RBFOX1: variants seen among roughly 807,000 people sequenced by gnomAD.
RBFOX1 encodes RNA binding fox-1 homolog 1.
Under a neutral mutation model 57.7 loss-of-function variants are expected in RBFOX1, and 8 were observed. The ratio of observed to expected loss-of-function variants is 0.14; its 90% CI spans 0.08 to 0.25. RBFOX1 has a LOEUF of 0.25. Ranked by LOEUF, RBFOX1 falls within the 10% of genes least tolerant of loss-of-function variation. The pLI is 1.00. For synonymous variants in RBFOX1, 326 were observed against 222.4 expected (o/e 1.47, Z -4.15); for missense variants, 611 against 548.5 (o/e 1.11, Z -1.14).
chr16:7,262,126 CTT>C (rs1463487583), intron 4 of RBFOX1, among the ~76,000 whole-genome samples: 3 of 150,076 alleles, frequency 2.0e-5, no homozygotes, highest in Non-Finnish European at 4.4e-5. Context: ...CACAGAGAAA[CTT>C]TGTAGTAAGT....
intron 1 of RBFOX1, among the ~76,000 whole-genome samples, chr16:6,223,939 C>G (rs1477568527): frequency 6.6e-6 from 1 of 152,166 alleles, no homozygotes; most frequent in Non-Finnish European, 1.5e-5. Flanking sequence ...GTTTTCCCAG[C>G]ACTGTTTATT....
At chr16:7,299,102 A>G (rs187632596) in intron 4 of RBFOX1, among the ~76,000 whole-genome samples, 1,550 of 152,354 alleles carry the variant, frequency 0.01, 11 homozygotes, top group Non-Finnish European at 0.016. Flanking sequence ...AGATTTTGAT[A>G]GTGAGCACCA....
At chr16:5,327,560 C>G (rs1364533422) in intron 1 of RBFOX1, among the ~76,000 whole-genome samples, 1 of 152,150 alleles carries the variant, frequency 6.6e-6, no homozygotes, top group Admixed American at 6.5e-5. Flanking sequence ...AATTTTAGCC[C>G]TCAGAGAGAA....
chr16:5,343,515 G>T (rs146907469), intron 1 of RBFOX1, among the ~76,000 whole-genome samples: 2 of 151,612 alleles, frequency 1.3e-5, no homozygotes, highest in African/African-American at 4.8e-5. Flanking sequence ...TAGAGAGGGG[G>T]TTTCACCGTG....
intron 1 of RBFOX1, among the ~76,000 whole-genome samples, chr16:5,391,695 T>C (rs1359806675): frequency 2.0e-5 from 3 of 152,116 alleles, no homozygotes; most frequent in Non-Finnish European, 2.9e-5. Flanking sequence ...ACAGGTAGTG[T>C]CTTCCCTGTG....
rs564596282 is a variant in RBFOX1 at position 5,705,544 on chromosome 16, A to G, written c.318+106583A>G. On this transcript the variant is annotated intron_variant, in intron 3 of 19. Coordinates refer to the RBFOX1 transcript ENST00000641259. ...AAACACCTCTGTAATCACGAGCGAA[A>G]CATTGACATTAGTACACACAATTTG... 2.3e-4 allele frequency among the ~76,000 whole-genome samples: 35 copies of G among 152,350 alleles called. No individual in the cohort carries two copies. In the East Asian group the frequency reaches 6.6e-3, roughly 29 times the overall value.
rs146952835 is a variant in RBFOX1 at position 5,479,617 on chromosome 16, C to T, written c.258+12363C>T. ...CTTCTAAAAATACAAAAATTAGCTGCGTGTGGTGGTGCACGCCTGTCATCG... is the reference window on the plus strand; with the variant it reads ...CTTCTAAAAATACAAAAATTAGCTGTGTGTGGTGGTGCACGCCTGTCATCG... On this transcript the variant is annotated intron_variant, in intron 2 of 2. Transcript: ENST00000585867. Among the ~76,000 whole-genome samples the T allele has an allele frequency of 6.6e-3, 957 of 143,982 alleles. 5 individuals are homozygous for T. Among genetic ancestry groups the T allele is most frequent in the Non-Finnish European group, 1.0e-2 (641 of 64,296 alleles). The allele number at this position is 143,982 out of a possible 152,430, so 94.5% of individuals were successfully genotyped here. A position where few individuals can be genotyped will look rare whatever the true frequency, so the allele number is the denominator to read the frequency against.
chr16:5,419,917 A>G (rs576732792), intron 1 of RBFOX1, among the ~76,000 whole-genome samples: 1 of 152,264 alleles, frequency 6.6e-6, no homozygotes, highest in Admixed American at 6.5e-5. Context: ...TCTTGCAGCC[A>G]CAAGGAAAAG....
chr16:6,779,957 A>T (rs1406656558), intron 3 of RBFOX1, among the ~76,000 whole-genome samples: 2 of 70,608 alleles, frequency 2.8e-5, no homozygotes, highest in South Asian at 4.3e-4. Flanking sequence ...TTATATATTT[A>T]TATATTTATA....
In RBFOX1 at chr16:5,308,471, G is replaced by C. The variant is rs1440740670; in HGVS notation, c.219+68366G>C. 2.0e-5 allele frequency among the ~76,000 whole-genome samples: 3 copies of C among 152,110 alleles called. No homozygotes were observed. In the East Asian group the frequency reaches 5.8e-4, roughly 29 times the overall value. ...TAATATTTATATATTGCCAGTTCTT[G>C]ACTGATCTGACTGATCAATTTCAGT... On this transcript the variant is annotated intron_variant, in intron 1 of 2. Coordinates refer to the RBFOX1 transcript ENST00000585867.
chr16:7,567,739 C>CTT (rs1555612900), intron 5 of RBFOX1, among the ~76,000 whole-genome samples: 1 of 138,630 alleles, frequency 7.2e-6, no homozygotes, highest in Non-Finnish European at 1.6e-5. Context: ...TATATAATCC[C>CTT]TATATATATC....
At chr16:6,549,973 G>A (rs1050158920) in intron 2 of RBFOX1, among the ~76,000 whole-genome samples, 2 of 152,130 alleles carry the variant, frequency 1.3e-5, no homozygotes, top group African/African-American at 4.8e-5. Context: ...TTTTACAGTG[G>A]ATTTTCTGAC....
At chr16:7,040,336 C>T (rs891065311) in intron 3 of RBFOX1, among the ~76,000 whole-genome samples, 1 of 151,980 alleles carries the variant, frequency 6.6e-6, no homozygotes, top group Non-Finnish European at 1.5e-5. Flanking sequence ...TTTATAGCCA[C>T]CATTAATCAC....
At chr16:5,845,672 AAATT>A (rs2056738306) in intron 3 of RBFOX1, among the ~76,000 whole-genome samples, 1 of 152,200 alleles carries the variant, frequency 6.6e-6, no homozygotes, top group Non-Finnish European at 1.5e-5. Flanking sequence ...ACTTAAATGT[AAATT>A]AATTAAGATG....
intron 2 of RBFOX1, among the ~76,000 whole-genome samples, chr16:6,342,074 G>T (rs547792197): frequency 1.3e-5 from 2 of 152,258 alleles, no homozygotes; most frequent in African/African-American, 4.8e-5. Flanking sequence ...CTAGCACAGG[G>T]CACAGTAAGG....
At chr16:6,271,867 T>C (rs896575913) in intron 1 of RBFOX1, among the ~76,000 whole-genome samples, 1 of 152,126 alleles carries the variant, frequency 6.6e-6, no homozygotes, top group East Asian at 1.9e-4. Flanking sequence ...TTCTACCAGA[T>C]TTAGAATGAA....
At chr16:5,415,602 T>C (rs2067140399) in intron 1 of RBFOX1, among the ~76,000 whole-genome samples, 1 of 152,220 alleles carries the variant, frequency 6.6e-6, no homozygotes, top group Non-Finnish European at 1.5e-5. Flanking sequence ...TGGCAGGCAA[T>C]AGCACCTAGC....
chr16:7,091,049 A>G (rs1254321861), intron 4 of RBFOX1, among the ~76,000 whole-genome samples: 1 of 152,158 alleles, frequency 6.6e-6, no homozygotes, highest in African/African-American at 2.4e-5. Flanking sequence ...TTCCTCTGCC[A>G]CTCAAGTCTT....
chr16:6,724,523 C>G (rs554637909), intron 3 of RBFOX1, among the ~76,000 whole-genome samples: 4 of 152,044 alleles, frequency 2.6e-5, no homozygotes, highest in African/African-American at 4.8e-5. Context: ...CTTCTGTGGA[C>G]GAGGAAGCAG....
Sources: allele counts gnomAD v4.1 joint callset (sites outside exome capture counted in the v4.1 genomes callset), GRCh38; gene constraint gnomAD v4.1.1; transcripts MANE v1.5; gene names NCBI Gene and HGNC (gene_info 2026-07-23, HGNC 2026-07-21).